Variants in SSH1 observed in about 807,000 individuals in gnomAD.
SSH1 encodes protein phosphatase Slingshot homolog 1.
A neutral mutation model predicts 79.7 loss-of-function variants in SSH1; 43 were observed. The observed-to-expected ratio is 0.54, with a 90% CI of 0.42 to 0.70. The LOEUF is 0.70. Among genes scored for constraint, SSH1 ranks in the 30% least tolerant of loss-of-function variants. The pLI is 0.00. For synonymous variants in SSH1, 599 were observed against 538.3 expected (o/e 1.11, Z -1.56); for missense variants, 1,206 against 1,358.8 (o/e 0.89, Z 1.77).
Position 108,852,684 on chromosome 12 carries a change from G to T in SSH1, c.70-6C>A. 1 of 1,614,084 alleles carries T rather than the reference G, an allele frequency of 6.2e-7. No homozygotes were observed. On this transcript the variant is annotated splice_region_variant and splice_polypyrimidine_tract_variant and intron_variant, in intron 1 of 14. Transcript: ENST00000326495. ...TCTTCGCTGCCAGCCTCCAACTACA[G>T]AGAAAGAAAGAGAATATCACACCAC... is the stretch of plus-strand genomic sequence containing the variant.
intron 9 of SSH1, 98 bp downstream of exon 9, chr12:108,806,203 C>A (rs2037263671): frequency 3.4e-6 from 4 of 1,161,126 alleles, no homozygotes; most frequent in Non-Finnish European, 5.2e-6. Flanking sequence ...CAGGTAAAGA[C>A]AACCAGATGT....
intron 2 of SSH1, among the ~76,000 whole-genome samples, chr12:108,847,105 T>C (rs936106344): frequency 2.6e-5 from 4 of 152,140 alleles, no homozygotes; most frequent in East Asian, 1.9e-4. Context: ...TGCCATGTTG[T>C]GTAGGCTGGT....
chr12:108,783,313 T>C lies in SSH1; in HGVS notation c.*4675A>G, dbSNP rs549132403. On this transcript the variant is annotated 3_prime_UTR_variant, in exon 15 of 15. Transcript: ENST00000326495. Reference sequence around the variant, plus strand: ...CATAGCAGGATAAACACGTATGGAGTAGGACAAGCTCACAACCCAATGCTG... The same window carrying C: ...CATAGCAGGATAAACACGTATGGAGCAGGACAAGCTCACAACCCAATGCTG... 7.9e-5 allele frequency: 12 copies of C among 152,296 alleles called. No individual in the cohort carries two copies. The highest frequency in any genetic ancestry group is 7.7e-4 in the East Asian group (4 of 5,186). The allele number at this position is 152,296 out of a possible 1,614,324, so 9.4% of individuals were successfully genotyped here. A position where few individuals can be genotyped will look rare whatever the true frequency, so the allele number is the denominator to read the frequency against.
intron 9 of SSH1, among the ~76,000 whole-genome samples, chr12:108,806,042 T>C (rs1263848614): frequency 6.6e-6 from 1 of 152,066 alleles, no homozygotes; most frequent in African/African-American, 2.4e-5. Flanking sequence ...CCAAAGGCCA[T>C]ATAGGTGAGG....
At chr12:108,842,516 T>C (rs1042178408) in intron 2 of SSH1, among the ~76,000 whole-genome samples, 1 of 152,220 alleles carries the variant, frequency 6.6e-6, no homozygotes, top group Non-Finnish European at 1.5e-5. Flanking sequence ...CTGCAGAAGC[T>C]GGCCTCATTA....
Position 108,845,384 on chromosome 12 carries a change from A to T in SSH1, c.110+7254T>A, listed in dbSNP as rs1377317211. 3.3e-5 allele frequency among the ~76,000 whole-genome samples: 5 copies of T among 151,918 alleles called. No homozygotes were observed. In the East Asian group the frequency reaches 5.8e-4, roughly 18 times the overall value. On this transcript the variant is annotated intron_variant, in intron 2 of 14. Coordinates refer to ENST00000326495, the MANE Select transcript of SSH1 (RefSeq NM_018984.4). ...ACCCATGGAAGCTGTGAGATAATAAACATGGCCTGGGTGCGGTGGCTGGCC... is the reference window on the plus strand; with the variant it reads ...ACCCATGGAAGCTGTGAGATAATAATCATGGCCTGGGTGCGGTGGCTGGCC...
Position 108,789,115 on chromosome 12 carries a change from C to A in SSH1, c.2023G>T (p.Ala675Ser), listed in dbSNP as rs148936887. The A allele has an allele frequency of 2.5e-6, 4 of 1,613,862 alleles. No homozygotes were observed. Among genetic ancestry groups the A allele is most frequent in the Admixed American group, 1.7e-5 (1 of 59,986 alleles). The change falls in exon 15 of 15, where the codon GCC becomes TCC. Residue 675 changes from alanine (A) to serine (S), a missense_variant. Ala to Ser is a moderately conservative substitution (Grantham distance 99). Around this residue, in one of 5 missense-constraint regions of SSH1, gnomAD observed 709 missense variants for 730.6 expected, o/e 0.97. Transcript: ENST00000326495. ...RERCEDPNAP[A>S]ICTQPAFLPH... ...AGGAAGGCTGGCTGGGTGCAGATGG[C>A]GGGAGCATTGGGGTCCTCACATCGC...
chr12:108,813,611 G>C (rs1000107067), intron 5 of SSH1, among the ~76,000 whole-genome samples: 3 of 151,532 alleles, frequency 2.0e-5, no homozygotes, highest in Admixed American at 6.6e-5. Flanking sequence ...TACTCAGGGG[G>C]CTGAGGTAGG....
At chr12:108,834,230 A>G (rs1466491924) in intron 2 of SSH1, 2 of 152,284 alleles carry the variant, frequency 1.3e-5, no homozygotes, top group Non-Finnish European at 2.9e-5. Flanking sequence ...CAGCTATAGC[A>G]CTGTCCCCAT....
In SSH1 at chr12:108,792,343, C is replaced by T. The variant is rs947593055; in HGVS notation, c.1836G>A (p.Leu612=). 5.6e-6 allele frequency: 9 copies of T among 1,614,056 alleles called. No homozygotes were observed. The Admixed American group carries it at 1.2e-4, about 21-fold the overall frequency. ...GQLPTQLDQN[L]LNSENLNNNS... is the part of the protein sequence containing the mutation. ...TGTTGTTTAGGTTCTCCGAGTTGAGCAGGTTTTGATCGAGCTGGGTTGGAA... is the reference window on the plus strand; with the variant it reads ...TGTTGTTTAGGTTCTCCGAGTTGAGTAGGTTTTGATCGAGCTGGGTTGGAA... Residue 612 remains leucine, a synonymous_variant, in exon 14 of 15, where the codon CTG becomes CTA. Transcript: ENST00000326495.
intron 13 of SSH1, among the ~76,000 whole-genome samples, chr12:108,795,462 C>T (rs921328522): frequency 2.6e-5 from 4 of 152,048 alleles, no homozygotes; most frequent in Non-Finnish European, 4.4e-5. Flanking sequence ...ACTATGTTGG[C>T]CAGGCTGGTC....
At chr12:108,853,750 G>A (rs998132697) in intron 1 of SSH1, among the ~76,000 whole-genome samples, 31 of 151,926 alleles carry the variant, frequency 2.0e-4, no homozygotes, top group African/African-American at 2.4e-5. Flanking sequence ...AAGGTGACAC[G>A]CTGTCTCTAC....
At chr12:108,795,205 CAGAT>C (rs982876537) in intron 13 of SSH1, among the ~76,000 whole-genome samples, 3 of 152,098 alleles carry the variant, frequency 2.0e-5, no homozygotes, top group Admixed American at 6.6e-5. Flanking sequence ...GCTTGATTGA[CAGAT>C]AGCACTCATG....
intron 13 of SSH1, among the ~76,000 whole-genome samples, chr12:108,796,543 CT>C (rs1420617959): frequency 6.6e-6 from 1 of 152,194 alleles, no homozygotes; most frequent in Non-Finnish European, 1.5e-5. Context: ...CTTTTTAAGG[CT>C]GTGTAGTATC....
intron 2 of SSH1, chr12:108,827,254 CATACGT>C: frequency 6.5e-7 from 1 of 1,545,658 alleles, no homozygotes; most frequent in Non-Finnish European, 8.7e-7. Context: ...TCAGGGTGGT[CATACGT>C]ACTAATTTGA....
At chr12:108,822,915 T>G (rs1412535672) in intron 3 of SSH1, among the ~76,000 whole-genome samples, 1 of 152,224 alleles carries the variant, frequency 6.6e-6, no homozygotes, top group Non-Finnish European at 1.5e-5. Flanking sequence ...TATTTTCAAG[T>G]GGACGACATC....
chr12:108,812,786 G>C (rs979911515), intron 5 of SSH1, among the ~76,000 whole-genome samples: 1 of 152,026 alleles, frequency 6.6e-6, no homozygotes, highest in African/African-American at 2.4e-5. Flanking sequence ...ACTTTTGTGA[G>C]TTTCCAGCAG....
At chr12:108,811,835 G>C (rs1470051091) in intron 5 of SSH1, among the ~76,000 whole-genome samples, 1 of 152,208 alleles carries the variant, frequency 6.6e-6, no homozygotes, top group Non-Finnish European at 1.5e-5. Context: ...AATGACTGCA[G>C]AGACTGGCGC....
At chr12:108,810,161 T>C (rs2037507011) in intron 6 of SSH1, among the ~76,000 whole-genome samples, 1 of 151,678 alleles carries the variant, frequency 6.6e-6, no homozygotes, top group African/African-American at 2.4e-5. Flanking sequence ...AAATAATCAA[T>C]ATATAAAAAT....
Sources: allele counts gnomAD v4.1 joint callset (sites outside exome capture counted in the v4.1 genomes callset), GRCh38; gene constraint gnomAD v4.1.1; regional missense constraint gnomAD v4.1.1; transcripts MANE v1.5; gene names NCBI Gene and HGNC (gene_info 2026-07-23, HGNC 2026-07-21).